Variants in CPNE4 observed in about 807,000 individuals in gnomAD.
The protein encoded by CPNE4 is copine-4.
In CPNE4, 25 loss-of-function variants were observed where a neutral mutation model predicts 67.9. That is an observed-to-expected ratio of 0.37 (90% CI 0.27 to 0.51). CPNE4 has a LOEUF of 0.51. Among genes scored for constraint, CPNE4 ranks in the 20% least tolerant of loss-of-function variants. CPNE4 has a pLI of 0.93. For synonymous variants in CPNE4, 242 were observed against 244.9 expected, an observed-to-expected ratio of 0.99 and a Z score of 0.11; for missense variants, 464 against 690.8, an observed-to-expected ratio of 0.67 and a Z score of 3.68.
intron 2 of CPNE4, among the ~76,000 whole-genome samples, chr3:131,763,670 T>A (rs183473335): frequency 2.4e-4 from 36 of 152,234 alleles, no homozygotes; most frequent in Non-Finnish European, 4.9e-4. Flanking sequence ...GAAAGGAAAT[T>A]GGTTGCTAAC....
chr3:132,005,336 TATATATACACACAC>T (rs1391983244), intron 1 of CPNE4, among the ~76,000 whole-genome samples: 4 of 24,356 alleles, frequency 1.6e-4, no homozygotes, highest in Non-Finnish European at 3.6e-4. Flanking sequence ...TATATATATA[TATATATACACACAC>T]ACACACACAC....
chr3:132,035,103 T>C (rs2074317531), upstream of CPNE4: 6 of 975,584 alleles, frequency 6.2e-6, no homozygotes, highest in Non-Finnish European at 7.3e-6. Context: ...GAGACGAGCA[T>C]TGCCCCGGGA....
chr3:131,674,252 C>T (rs778421983), intron 6 of CPNE4, among the ~76,000 whole-genome samples: 9 of 151,992 alleles, frequency 5.9e-5, no homozygotes, highest in Admixed American at 1.3e-4. Context: ...CAATGTTCAT[C>T]AGGGATATTG....
At chr3:131,651,459 C>A (rs1391321023) in intron 7 of CPNE4, among the ~76,000 whole-genome samples, 1 of 152,140 alleles carries the variant, frequency 6.6e-6, no homozygotes, top group Non-Finnish European at 1.5e-5. Flanking sequence ...TTTTCTCCTG[C>A]CTTAGAAGAT....
At chr3:131,657,358 A>G (rs1007205250) in intron 7 of CPNE4, among the ~76,000 whole-genome samples, 2 of 152,144 alleles carry the variant, frequency 1.3e-5, no homozygotes, top group Admixed American at 1.3e-4. Context: ...TGGTTACCTC[A>G]TCAATTAATG....
intron 2 of CPNE4, among the ~76,000 whole-genome samples, chr3:131,727,607 C>CATCTATTTAAAGTATAT (rs1703511116): frequency 6.6e-6 from 1 of 152,152 alleles, no homozygotes; most frequent in South Asian, 2.1e-4. Context: ...TAATAAACCA[C>CATCTATTTAAAGTATAT]ATCTATTTAA....
intron 9 of CPNE4, among the ~76,000 whole-genome samples, chr3:131,580,439 TAC>T (rs1937742572): frequency 7.2e-6 from 1 of 139,336 alleles, no homozygotes; most frequent in Admixed American, 7.0e-5. Context: ...CATATACATA[TAC>T]ATATACATAT....
At chr3:131,965,684 A>G (rs536977208) in intron 1 of CPNE4, among the ~76,000 whole-genome samples, 1 of 152,346 alleles carries the variant, frequency 6.6e-6, no homozygotes, top group Non-Finnish European at 1.5e-5. Flanking sequence ...ACTATCCTAA[A>G]TATATATGCA....
intron 1 of CPNE4, among the ~76,000 whole-genome samples, chr3:131,919,106 C>T (rs1286601784): frequency 1.3e-5 from 2 of 152,090 alleles, no homozygotes; most frequent in Non-Finnish European, 2.9e-5. Flanking sequence ...TAAATAAATG[C>T]CTGCTGGATT....
intron 11 of CPNE4, among the ~76,000 whole-genome samples, chr3:131,562,346 C>T (rs897070790): frequency 2.0e-5 from 3 of 152,008 alleles, no homozygotes; most frequent in African/African-American, 7.2e-5. Flanking sequence ...ATAATGAGGG[C>T]TCTGAGGCTT....
rs1174358961 is a variant in CPNE4, at chr3:132,029,288, C to G, written c.-2+5279G>C. 2.0e-5 allele frequency among the ~76,000 whole-genome samples: 3 copies of G among 152,192 alleles called. No individual in the cohort carries two copies. In the East Asian group the frequency reaches 5.8e-4, roughly 29 times the overall value. Reference sequence around the variant, plus strand: ...CCTAACCAGGCACTGGAAGACACCACCAGATGCTCAGGGCAAAACCTTTTG... The same window carrying G: ...CCTAACCAGGCACTGGAAGACACCAGCAGATGCTCAGGGCAAAACCTTTTG... On this transcript the variant is annotated intron_variant, in intron 1 of 15. Transcript: ENST00000429747.
chr3:131,902,138 C>T (rs1278995682), intron 2 of CPNE4, among the ~76,000 whole-genome samples: 1 of 152,028 alleles, frequency 6.6e-6, no homozygotes, highest in Non-Finnish European at 1.5e-5. Context: ...ATTTGCTAAA[C>T]TGCTTCTAGA....
chr3:131,570,048 CTCA>C (rs59997008), intron 10 of CPNE4, among the ~76,000 whole-genome samples: 14,461 of 151,578 alleles, frequency 0.095, 1,431 homozygotes, highest in African/African-American at 0.26. Context: ...TAAACATGAC[CTCA>C]TGTTATTATC....
chr3:131,890,523 G>T (rs2088073533), intron 2 of CPNE4, among the ~76,000 whole-genome samples: 1 of 151,808 alleles, frequency 6.6e-6, no homozygotes, highest in East Asian at 1.9e-4. Flanking sequence ...AGCCATTATG[G>T]AAAACAGTAT....
At chr3:131,803,827 A>C (rs1364741519) in intron 2 of CPNE4, among the ~76,000 whole-genome samples, 1 of 152,242 alleles carries the variant, frequency 6.6e-6, no homozygotes, top group African/African-American at 2.4e-5. Flanking sequence ...TTGCTGGAAC[A>C]TTAAGCAGTG....
chr3:131,598,847 CCA>C (rs1214078006), intron 7 of CPNE4, among the ~76,000 whole-genome samples: 1,771 of 107,744 alleles, frequency 0.016, 129 homozygotes, highest in African/African-American at 0.086. Flanking sequence ...AATTGTCCCC[CCA>C]CCCCCCCGCC....
intron 2 of CPNE4, among the ~76,000 whole-genome samples, chr3:131,828,599 T>C (rs568638341): frequency 1.3e-5 from 2 of 152,336 alleles, no homozygotes; most frequent in South Asian, 2.1e-4. Context: ...CTGAACAATG[T>C]TGTGTAAGTC....
intron 7 of CPNE4, among the ~76,000 whole-genome samples, chr3:131,614,456 C>G (rs999586947): frequency 1.3e-4 from 20 of 152,140 alleles, no homozygotes; most frequent in African/African-American, 4.8e-4. Context: ...CCTTATTGGA[C>G]ATGAGAACAG....
At chr3:131,561,967 C>T (rs1936794305) in intron 11 of CPNE4, among the ~76,000 whole-genome samples, 2 of 151,866 alleles carry the variant, frequency 1.3e-5, no homozygotes, top group South Asian at 4.2e-4. Flanking sequence ...AAGTATTTGC[C>T]CATTTTAATG....
Sources: allele counts gnomAD v4.1 joint callset (sites outside exome capture counted in the v4.1 genomes callset), GRCh38; gene constraint gnomAD v4.1.1; transcripts MANE v1.5; gene names NCBI Gene and HGNC (gene_info 2026-07-23, HGNC 2026-07-21).